The following SNTG2 variants were observed in gnomAD, a reference collection of about 807,000 sequenced individuals.
SNTG2 encodes syntrophin gamma 2, also known as gamma-2-syntrophin.
A neutral mutation model predicts 70.9 loss-of-function variants in SNTG2; 74 were observed. The observed-to-expected ratio is 1.04, with a 90% CI of 0.86 to 1.27. SNTG2 has a LOEUF of 1.27. SNTG2 is among the 50% of genes most tolerant of loss of function. SNTG2 has a pLI of 0.00. For synonymous variants in SNTG2, 278 were observed against 273.8 expected (o/e 1.02, Z -0.15); for missense variants, 717 against 690.7 (o/e 1.04, Z -0.43).
At chr2:1,003,329 C>T (rs1030669451) in intron 1 of SNTG2, among the ~76,000 whole-genome samples, 2 of 151,966 alleles carry the variant, frequency 1.3e-5, no homozygotes, top group Non-Finnish European at 2.9e-5. Flanking sequence ...AAGAGTGTGG[C>T]CTGGAATTGG....
intron 14 of SNTG2, among the ~76,000 whole-genome samples, chr2:1,268,976 G>C (rs1218016502): frequency 6.6e-6 from 1 of 152,158 alleles, no homozygotes; most frequent in African/African-American, 2.4e-5. Flanking sequence ...TGGCCATTCA[G>C]ACTCATCTAT....
chr2:1,045,567 A>C (rs999580851), intron 1 of SNTG2, among the ~76,000 whole-genome samples: 1 of 151,970 alleles, frequency 6.6e-6, no homozygotes, highest in Non-Finnish European at 1.5e-5. Context: ...CCCTGATTCT[A>C]GTATGTTATA....
intron 1 of SNTG2, among the ~76,000 whole-genome samples, chr2:1,049,978 A>C (rs573124252): frequency 6.6e-6 from 1 of 152,312 alleles, no homozygotes; most frequent in East Asian, 1.9e-4. Context: ...GCAGACTTTG[A>C]AATTTGATTG....
intron 1 of SNTG2, among the ~76,000 whole-genome samples, chr2:967,790 A>G (rs911757630): frequency 1.3e-5 from 2 of 152,200 alleles, no homozygotes; most frequent in Non-Finnish European, 2.9e-5. Context: ...GCACGTTGGG[A>G]GGCCAAGGCA....
At chr2:1,283,757 G>A (rs1188991762) in intron 14 of SNTG2, among the ~76,000 whole-genome samples, 4 of 152,138 alleles carry the variant, frequency 2.6e-5, no homozygotes, top group Non-Finnish European at 5.9e-5. Context: ...CCGGTCATTC[G>A]TATCCTGCTC....
intron 8 of SNTG2, among the ~76,000 whole-genome samples, chr2:1,188,220 G>C (rs765621923): frequency 6.6e-6 from 1 of 151,798 alleles, no homozygotes; most frequent in Non-Finnish European, 1.5e-5. Flanking sequence ...AATTATAATA[G>C]GTATGCCTAG....
intron 16 of SNTG2, among the ~76,000 whole-genome samples, chr2:1,362,924 G>T (rs910978075): frequency 3.3e-5 from 5 of 152,200 alleles, no homozygotes; most frequent in Non-Finnish European, 5.9e-5. Flanking sequence ...TTCCACGAAG[G>T]TCACCGATGC....
chr2:1,055,434 G>A (rs931648356), intron 1 of SNTG2, among the ~76,000 whole-genome samples: 2 of 152,132 alleles, frequency 1.3e-5, no homozygotes, highest in Non-Finnish European at 2.9e-5. Context: ...CCTGCCTTGT[G>A]TCTGATGACC....
intron 1 of SNTG2, among the ~76,000 whole-genome samples, chr2:960,085 CT>C (rs1244886798): frequency 6.6e-6 from 1 of 152,156 alleles, no homozygotes; most frequent in Non-Finnish European, 1.5e-5. Flanking sequence ...CATCATCCCC[CT>C]GCTTAAGGTT....
intron 14 of SNTG2, among the ~76,000 whole-genome samples, chr2:1,284,972 A>AAT (rs749826562): frequency 2.6e-5 from 4 of 151,166 alleles, no homozygotes; most frequent in South Asian, 4.2e-4. Context: ...TAACTATATA[A>AAT]ATATATATAT....
intron 8 of SNTG2, among the ~76,000 whole-genome samples, chr2:1,179,131 T>C (rs1242511927): frequency 6.6e-6 from 1 of 152,264 alleles, no homozygotes; most frequent in Non-Finnish European, 1.5e-5. Context: ...TTTGCATTTC[T>C]GTGGGATCGG....
chr2:1,198,404 A>T (rs1049345341), intron 8 of SNTG2, among the ~76,000 whole-genome samples: 1 of 152,038 alleles, frequency 6.6e-6, no homozygotes, highest in Non-Finnish European at 1.5e-5. Flanking sequence ...AACATATAGG[A>T]TATAGCAAAA....
Position 1,098,357 on chromosome 2 carries a change from G to A in SNTG2, c.272G>A (p.Gly91Asp). 1 of 1,613,970 alleles carries A rather than the reference G, an allele frequency of 6.2e-7. No individual in the cohort carries two copies. Among genetic ancestry groups the A allele is most frequent in the Non-Finnish European group, 8.5e-7 (1 of 1,179,890 alleles). ...TCTGATGGCTTTGTCTTTCAGGGAG[G>A]TTCTGAGCACAACGTCCCTGTCGTC... ...VGGLGLSIKG[G>D]SEHNVPVVIS... Residue 91 changes from glycine (G) to aspartate (D), a missense_variant, in exon 4 of 17, where the codon GGT (glycine) becomes GAT (aspartate). Coordinates refer to ENST00000308624, the MANE Select transcript of SNTG2 (RefSeq NM_018968.4).
intron 8 of SNTG2, among the ~76,000 whole-genome samples, chr2:1,190,073 CTTAA>C: frequency 6.6e-6 from 1 of 151,928 alleles, no homozygotes; most frequent in South Asian, 2.1e-4. Flanking sequence ...TTAAGTTCAT[CTTAA>C]TTAAATTAAA....
At chr2:1,157,356 C>T (rs922586947) in intron 6 of SNTG2, among the ~76,000 whole-genome samples, 5 of 152,108 alleles carry the variant, frequency 3.3e-5, no homozygotes, top group Admixed American at 6.6e-5. Context: ...GCTGAATGCA[C>T]CCCGGCACCG....
intron 8 of SNTG2, among the ~76,000 whole-genome samples, chr2:1,199,760 T>C (rs2147964506): frequency 6.6e-6 from 1 of 151,876 alleles, no homozygotes; most frequent in South Asian, 2.1e-4. Context: ...AAGACACCAA[T>C]CCCTTTCACA....
Position 1,012,475 on chromosome 2 carries a change from G to A in SNTG2, c.72+61407G>A, listed in dbSNP as rs1028462933. ...ATCGATAGTCACACAGAAAAGGGGC[G>A]GCAGCGACTTGGGGGGTCTGGAGAG... is the stretch of plus-strand genomic sequence containing the variant. On this transcript the variant is annotated intron_variant, in intron 1 of 16. Coordinates refer to ENST00000308624, the MANE Select transcript of SNTG2 (RefSeq NM_018968.4). Among the ~76,000 whole-genome samples, 97 of 152,210 alleles carry A rather than the reference G, an allele frequency of 6.4e-4. 1 individual carries two copies. Among genetic ancestry groups the A allele is most frequent in the South Asian group, 2.3e-3 (11 of 4,832 alleles).
chr2:978,963 C>G (rs147671234), intron 1 of SNTG2, among the ~76,000 whole-genome samples: 1 of 152,210 alleles, frequency 6.6e-6, no homozygotes, highest in South Asian at 2.1e-4. Flanking sequence ...AAAATGAGCA[C>G]TTGGTGTGTT....
chr2:1,142,011 CAG>C (rs769632725), intron 6 of SNTG2, among the ~76,000 whole-genome samples: 16 of 152,128 alleles, frequency 1.1e-4, no homozygotes, highest in Admixed American at 3.9e-4. Context: ...CGGAGGCTAA[CAG>C]GGAGATCTGC....
Sources: gnomAD v4.1 joint callset for allele counts (sites outside exome capture counted in the v4.1 genomes callset) on GRCh38, gnomAD v4.1.1 for gene constraint, MANE v1.5 for transcripts, NCBI Gene and HGNC (gene_info 2026-07-23, HGNC 2026-07-21) for gene names.